LARGE1: variants seen among roughly 807,000 people sequenced by gnomAD.
The protein encoded by LARGE1 is xylosyl- and glucuronyltransferase LARGE1.
LARGE1 carries 43 observed loss-of-function variants against 87.6 expected under a neutral mutation model. The ratio of observed to expected loss-of-function variants is 0.49; its 90% CI spans 0.38 to 0.63. The LOEUF is 0.63. Among genes scored for constraint, LARGE1 ranks in the 30% least tolerant of loss-of-function variants. The pLI is 0.00. For missense variants in LARGE1, 802 were observed against 1,000.2 expected (o/e 0.80, Z 2.67); for synonymous variants, 434 against 394.6 (o/e 1.10, Z -1.18).
At chr22:33,096,415 CAAAA>C in the LARGE1 span, among the ~76,000 whole-genome samples, 5 of 62,934 alleles carry the variant, frequency 7.9e-5, no homozygotes, top group East Asian at 1.6e-3. Context: ...AACTCCATCT[CAAAA>C]AAAAAAAAAA....
intron 2 of LARGE1, among the ~76,000 whole-genome samples, chr22:33,737,111 A>C (rs928222634): frequency 6.6e-6 from 1 of 152,150 alleles, no homozygotes; most frequent in Non-Finnish European, 1.5e-5. Flanking sequence ...TCAGATTCAG[A>C]TGTGCAGCAG....
At chr22:33,687,711 G>A (rs747481713) in intron 2 of LARGE1, among the ~76,000 whole-genome samples, 5 of 152,164 alleles carry the variant, frequency 3.3e-5, no homozygotes, top group African/African-American at 1.2e-4. Flanking sequence ...GAAGAGGAGC[G>A]CTCGGGACCG....
intron 2 of LARGE1, among the ~76,000 whole-genome samples, chr22:33,720,681 A>G (rs1369145530): frequency 6.6e-6 from 1 of 152,232 alleles, no homozygotes; most frequent in East Asian, 1.9e-4. Context: ...TGGTTACATA[A>G]GATTGGAAAA....
chr22:33,185,418 G>T (rs1212663458), intron 11 of LARGE1, among the ~76,000 whole-genome samples: 1 of 152,056 alleles, frequency 6.6e-6, no homozygotes, highest in Non-Finnish European at 1.5e-5. Context: ...GGGATGAATT[G>T]GTGAAACATG....
the LARGE1 span, among the ~76,000 whole-genome samples, chr22:33,091,676 C>G: frequency 6.6e-6 from 1 of 152,208 alleles, no homozygotes. Context: ...GTCAGATAGA[C>G]ATGGACGGAA....
intron 11 of LARGE1, among the ~76,000 whole-genome samples, chr22:33,314,500 T>G (rs1935942148): frequency 6.6e-6 from 1 of 152,232 alleles, no homozygotes; most frequent in Non-Finnish European, 1.5e-5. Context: ...TGTTTGTTCT[T>G]TCATCAGTTT....
intron 3 of LARGE1, among the ~76,000 whole-genome samples, chr22:33,647,038 G>A (rs1233436287): frequency 1.3e-5 from 2 of 152,180 alleles, no homozygotes; most frequent in Non-Finnish European, 2.9e-5. Context: ...CTAAAGCAGT[G>A]GTTTCCAAAC....
At chr22:33,106,236 G>A in the LARGE1 span, among the ~76,000 whole-genome samples, 2 of 152,152 alleles carry the variant, frequency 1.3e-5, no homozygotes, top group African/African-American at 4.8e-5. Context: ...AAATGGCTGG[G>A]GATACAGAGG....
At chr22:33,295,159 G>T (rs1475447261) in intron 12 of LARGE1, among the ~76,000 whole-genome samples, 1 of 152,166 alleles carries the variant, frequency 6.6e-6, no homozygotes, top group Non-Finnish European at 1.5e-5. Context: ...GTAAGAAGTG[G>T]ATCAGCCAGT....
chr22:33,309,272 T>C (rs1164925202), intron 11 of LARGE1, among the ~76,000 whole-genome samples: 1 of 152,034 alleles, frequency 6.6e-6, no homozygotes, highest in Non-Finnish European at 1.5e-5. Flanking sequence ...GTTCAAGCGA[T>C]TTTCCTGTCT....
chr22:33,095,049 C>A, the LARGE1 span, among the ~76,000 whole-genome samples: 1 of 152,188 alleles, frequency 6.6e-6, no homozygotes, highest in Non-Finnish European at 1.5e-5. Context: ...CTTTGCATTG[C>A]ATTGCACTTT....
At chr22:33,829,013 T>C (rs988221737) in intron 1 of LARGE1, among the ~76,000 whole-genome samples, 17 of 140,990 alleles carry the variant, frequency 1.2e-4, no homozygotes, top group Non-Finnish European at 2.1e-4. Context: ...TTTCTTTTTT[T>C]TTTTTTTTTT....
intron 9 of LARGE1, among the ~76,000 whole-genome samples, chr22:33,355,960 A>G (rs1940852306): frequency 6.6e-6 from 1 of 152,152 alleles, no homozygotes; most frequent in Non-Finnish European, 1.5e-5. Flanking sequence ...AACAAAATCA[A>G]TCAGATTTTC....
intron 1 of LARGE1, among the ~76,000 whole-genome samples, chr22:33,793,034 A>G (rs1202602524): frequency 6.6e-6 from 1 of 152,206 alleles, no homozygotes; most frequent in African/African-American, 2.4e-5. Flanking sequence ...AGAGGAGGAG[A>G]CGGAGGCAGG....
At chr22:33,069,126 G>A in the LARGE1 span, among the ~76,000 whole-genome samples, 1 of 152,206 alleles carries the variant, frequency 6.6e-6, no homozygotes, top group South Asian at 2.1e-4. Context: ...CATGTGTGTG[G>A]CACTGTCTAT....
intron 11 of LARGE1, among the ~76,000 whole-genome samples, chr22:33,184,174 A>C (rs1482884672): frequency 6.8e-6 from 1 of 147,936 alleles, no homozygotes; most frequent in Non-Finnish European, 1.5e-5. Context: ...AAAATAAAAA[A>C]ATTGAAACTG....
chr22:33,216,597 C>CAAAAAAAAAAAAAAA (rs71673655), intron 11 of LARGE1, among the ~76,000 whole-genome samples: 1 of 122,622 alleles, frequency 8.2e-6, no homozygotes, highest in African/African-American at 3.1e-5. Context: ...CACTCCATCT[C>CAAAAAAAAAAAAAAA]AAAAAAAAAA....
chr22:33,698,707 C>T (rs558204821), intron 2 of LARGE1, among the ~76,000 whole-genome samples: 1 of 152,218 alleles, frequency 6.6e-6, no homozygotes, highest in South Asian at 2.1e-4. Context: ...GTCCACTCAT[C>T]CAGCCCAGCT....
At chr22:33,748,976 T>G (rs1177027188) in intron 2 of LARGE1, among the ~76,000 whole-genome samples, 1 of 152,174 alleles carries the variant, frequency 6.6e-6, no homozygotes, top group Non-Finnish European at 1.5e-5. Flanking sequence ...GGGTGACGTT[T>G]TTGCATCCCT....
Sources: gnomAD v4.1 joint callset for allele counts (sites outside exome capture counted in the v4.1 genomes callset) on GRCh38, gnomAD v4.1.1 for gene constraint, MANE v1.5 for transcripts, NCBI Gene and HGNC (gene_info 2026-07-23, HGNC 2026-07-21) for gene names.